ASB4: variants seen among roughly 807,000 people sequenced by gnomAD.
ASB4 encodes the protein ankyrin repeat and SOCS box containing 4, also known as ankyrin repeat and SOCS box protein 4.
A neutral mutation model predicts 38.6 loss-of-function variants in ASB4; 35 were observed. That is an observed-to-expected ratio of 0.91 (90% CI 0.69 to 1.20). ASB4 has a LOEUF of 1.20. Ranked by LOEUF, ASB4 falls within the 50% of genes most tolerant of loss-of-function variation. The pLI is 0.00. For synonymous variants in ASB4, 195 were observed against 201.3 expected, an observed-to-expected ratio of 0.97 and a Z score of 0.26; for missense variants, 557 against 527.2, an observed-to-expected ratio of 1.06 and a Z score of -0.55.
upstream of ASB4, chr7:95,485,773 C>G: frequency 2.0e-6 from 1 of 504,708 alleles, no homozygotes. Flanking sequence ...AATATATAAC[C>G]AGTTTAAAGG....
chr7:95,514,763 C>T (rs936415268), intron 2 of ASB4, among the ~76,000 whole-genome samples: 2 of 152,152 alleles, frequency 1.3e-5, no homozygotes, highest in Admixed American at 6.6e-5. Flanking sequence ...TGACTACACA[C>T]GGGAAGATAA....
At chr7:95,496,171 C>A in intron 2 of ASB4, 114 bp downstream of exon 2, 1 of 981,576 alleles carries the variant, frequency 1.0e-6, no homozygotes, top group Non-Finnish European at 1.5e-6. Flanking sequence ...GCAATTATGC[C>A]TAGTACAGAA....
intron 2 of ASB4, among the ~76,000 whole-genome samples, chr7:95,516,513 G>A (rs1790585326): frequency 6.6e-6 from 1 of 152,158 alleles, no homozygotes; most frequent in South Asian, 2.1e-4. Flanking sequence ...AAAAAAATGT[G>A]TCTCCCAAAG....
intron 2 of ASB4, among the ~76,000 whole-genome samples, chr7:95,510,522 G>A (rs1176373876): frequency 2.0e-5 from 3 of 152,220 alleles, no homozygotes; most frequent in African/African-American, 7.2e-5. Context: ...CTAGGCGTAT[G>A]TTAAATATCC....
rs373500105 is a variant in ASB4 at position 95,528,324 on chromosome 7, C to T, written c.978+21C>T. ...ATAAGGTGAGGCTCTGCCCAGTGGT[C>T]AGCAGGTTGAGGAAGATTCAAATGG... is the stretch of plus-strand genomic sequence containing the variant. On this transcript the variant is annotated intron_variant, in intron 3 of 4. Transcript: ENST00000325885. 18 of 1,613,724 alleles carry T rather than the reference C, an allele frequency of 1.1e-5. No individual in the cohort carries two copies. The African/African-American group carries it at 2.4e-4, about 22-fold the overall frequency.
chr7:95,528,108 G>A lies in ASB4; in HGVS notation c.783G>A (p.Trp261Ter). 2 of 1,614,202 alleles carry A rather than the reference G, an allele frequency of 1.2e-6. No homozygotes were observed. The highest frequency in any genetic ancestry group is 1.7e-6 in the Non-Finnish European group (2 of 1,180,040). Reference sequence around the variant, plus strand: ...AATCTCCCCTCCACAAGGCAGCCTGGAACTGTGACCACGTGCTCATGCACA... The same window carrying A: ...AATCTCCCCTCCACAAGGCAGCCTGAAACTGTGACCACGTGCTCATGCACA... ...DFKSPLHKAA[W>*]NCDHVLMHMM... Residue 261 changes from tryptophan (W) to a stop codon, truncating the protein, a stop_gained, in exon 3 of 5, where the codon TGG (tryptophan) becomes TGA (stop). Coordinates refer to ENST00000325885, the MANE Select transcript of ASB4 (RefSeq NM_016116.3). LOFTEE classifies it high-confidence loss of function.
chr7:95,515,225 CTTTCTT>C (rs1187110395), intron 2 of ASB4, among the ~76,000 whole-genome samples: 10 of 107,218 alleles, frequency 9.3e-5, no homozygotes, highest in Non-Finnish European at 1.3e-4. Flanking sequence ...TTCTTTCTTT[CTTTCTT>C]TTTCTTTCTT....
At chr7:95,485,885 C>A, upstream of ASB4, 1 of 1,181,072 alleles carries the variant, frequency 8.5e-7, no homozygotes, top group Non-Finnish European at 1.2e-6. Flanking sequence ...AATTAGCCGA[C>A]AGTTTGTGGA....
intron 2 of ASB4, among the ~76,000 whole-genome samples, chr7:95,522,349 C>G (rs1348680907): frequency 6.6e-6 from 1 of 151,978 alleles, no homozygotes. Flanking sequence ...TATAAAACAC[C>G]TCTATCAGTT....
chr7:95,515,119 G>C (rs1274581106), intron 2 of ASB4, among the ~76,000 whole-genome samples: 3 of 152,100 alleles, frequency 2.0e-5, no homozygotes, highest in African/African-American at 7.2e-5. Flanking sequence ...ATTCCCAGCA[G>C]AGACAACCTC....
chr7:95,498,837 T>C (rs1790289572), intron 2 of ASB4, among the ~76,000 whole-genome samples: 1 of 152,184 alleles, frequency 6.6e-6, no homozygotes, highest in Non-Finnish European at 1.5e-5. Flanking sequence ...GTATAAGTTA[T>C]GGGTTAGGTT....
rs1389001536 is a variant in ASB4 at position 95,539,806 on chromosome 7, T to C, written c.*2047T>C. The C allele has an allele frequency of 6.6e-6, 1 of 152,086 alleles. No individual in the cohort carries two copies. Among genetic ancestry groups the C allele is most frequent in the Non-Finnish European group, 1.5e-5 (1 of 68,030 alleles). 9.4% of individuals were successfully genotyped at this position (152,086 alleles called of 1,614,324 possible). On this transcript the variant is annotated 3_prime_UTR_variant, in exon 5 of 5. Coordinates refer to ENST00000325885, the MANE Select transcript of ASB4 (RefSeq NM_016116.3). ...CAGTGTACACTGCTCCAGTGATGGG[T>C]GCACTAAAATCTCAAAATTCACCAC...
chr7:95,515,271 T>TTCTTTCTTTCTTTCTTTCTTTC (rs1790557826), intron 2 of ASB4, among the ~76,000 whole-genome samples: 1 of 55,670 alleles, frequency 1.8e-5, no homozygotes, highest in African/African-American at 8.1e-5. Context: ...TTCTTTCTCT[T>TTCTTTCTTTCTTTCTTTCTTTC]TCTTTCTTTC....
chr7:95,513,332 T>TGTGTGTGTGTGTGTG (rs1562816331), intron 2 of ASB4, among the ~76,000 whole-genome samples: 1 of 132,158 alleles, frequency 7.6e-6, no homozygotes, highest in Admixed American at 8.4e-5. Flanking sequence ...TGTGTGTGTG[T>TGTGTGTGTGTGTGTG]TCAGAGACAG....
chr7:95,514,567 C>A (rs751408666), intron 2 of ASB4, among the ~76,000 whole-genome samples: 11 of 152,186 alleles, frequency 7.2e-5, no homozygotes, highest in Non-Finnish European at 1.2e-4. Flanking sequence ...TCAGGGTACA[C>A]AAATTCTCCC....
upstream of ASB4, among the ~76,000 whole-genome samples, chr7:95,475,166 G>A (rs150267393): frequency 1.3e-5 from 2 of 152,208 alleles, no homozygotes; most frequent in East Asian, 3.9e-4. Flanking sequence ...CCCACCAGAG[G>A]ACTCTGAAGT....
upstream of ASB4, chr7:95,474,087 G>T (rs1040258173): frequency 6.6e-6 from 1 of 152,160 alleles, no homozygotes. Context: ...AAGTTGGGGC[G>T]CACCCTTACT....
chr7:95,545,434 A>G, the ASB4 span, among the ~76,000 whole-genome samples: 1 of 152,188 alleles, frequency 6.6e-6, no homozygotes, highest in East Asian at 1.9e-4. Context: ...GAAGGAAAAA[A>G]ACAACATTGC....
chr7:95,531,932 G>A (rs1790824636), intron 3 of ASB4, among the ~76,000 whole-genome samples: 1 of 152,162 alleles, frequency 6.6e-6, no homozygotes, highest in African/African-American at 2.4e-5. Context: ...GCTCCTTTGA[G>A]TTCCTTTAGT....
Sources: gnomAD v4.1 joint callset for allele counts (sites outside exome capture counted in the v4.1 genomes callset) on GRCh38, gnomAD v4.1.1 for gene constraint, MANE v1.5 for transcripts, NCBI Gene and HGNC (gene_info 2026-07-23, HGNC 2026-07-21) for gene names.